CD200R1: variants seen among roughly 807,000 people sequenced by gnomAD.
CD200R1 encodes the protein cell surface glycoprotein CD200 receptor 1.
Under a neutral mutation model 38.1 loss-of-function variants are expected in CD200R1, and 30 were observed. The ratio of observed to expected loss-of-function variants is 0.79; its 90% CI spans 0.59 to 1.07. CD200R1 has a LOEUF of 1.07. Among genes scored for constraint, CD200R1 ranks in the 50% least tolerant of loss-of-function variants. CD200R1 has a pLI of 0.00. For synonymous variants in CD200R1, 128 were observed against 152.1 expected (o/e 0.84, Z 1.16); for missense variants, 372 against 415.4 (o/e 0.90, Z 0.91).
Position 112,975,006 on chromosome 3 carries a change from A to G in CD200R1, c.-149T>C. 1 of 642,128 alleles carries G rather than the reference A, an allele frequency of 1.6e-6. No individual in the cohort carries two copies. The highest frequency in any genetic ancestry group is 2.8e-6 in the Non-Finnish European group (1 of 359,214). The allele number at this position is 642,128 out of a possible 1,614,324, so 39.8% of individuals were successfully genotyped here. On this transcript the variant is annotated 5_prime_UTR_variant, in exon 1 of 8. Transcript: ENST00000308611. ...AACAGTGGGGCACTCCCTTCCTTCT[A>G]GCCCCTTCCTTCACGTCTATGTGGT...
At chr3:112,949,142 T>C (rs1374115468) in intron 1 of CD200R1, among the ~76,000 whole-genome samples, 6 of 151,982 alleles carry the variant, frequency 3.9e-5, no homozygotes, top group Admixed American at 3.9e-4. Flanking sequence ...TTTACAAGAG[T>C]TATAAATAGT....
At chr3:112,945,675 G>C (rs552736107) in intron 2 of CD200R1, among the ~76,000 whole-genome samples, 31 of 152,198 alleles carry the variant, frequency 2.0e-4, no homozygotes, top group Middle Eastern at 3.4e-3. Flanking sequence ...CCACAGTAAA[G>C]GCACAATCCA....
intron 1 of CD200R1, among the ~76,000 whole-genome samples, chr3:112,948,425 G>A (rs762102104): frequency 1.3e-5 from 2 of 152,136 alleles, no homozygotes; most frequent in Non-Finnish European, 2.9e-5. Context: ...TTTCCACCAC[G>A]GACAAGGAGG....
chr3:112,932,525 C>T (rs368789741), intron 2 of CD200R1, among the ~76,000 whole-genome samples: 6 of 152,060 alleles, frequency 3.9e-5, no homozygotes, highest in South Asian at 2.1e-4. Context: ...CCCCAACAAA[C>T]ATGGCCACAG....
At chr3:112,942,627 T>A (rs1285541422) in intron 2 of CD200R1, among the ~76,000 whole-genome samples, 1 of 151,566 alleles carries the variant, frequency 6.6e-6, no homozygotes, top group Non-Finnish European at 1.5e-5. Flanking sequence ...GTATCAGTAA[T>A]CACTTTGAAC....
At chr3:112,974,218 T>C (rs1933380853) in intron 1 of CD200R1, among the ~76,000 whole-genome samples, 1 of 152,150 alleles carries the variant, frequency 6.6e-6, no homozygotes. Flanking sequence ...GGAGAATTGC[T>C]TGAAGACAGG....
At chr3:112,943,884 A>G (rs1182253769) in intron 2 of CD200R1, among the ~76,000 whole-genome samples, 1 of 151,892 alleles carries the variant, frequency 6.6e-6, no homozygotes, top group Non-Finnish European at 1.5e-5. Flanking sequence ...TTGAAAAGAT[A>G]CAACCTGCCA....
At chr3:112,953,388 T>C (rs1941013449) in intron 1 of CD200R1, among the ~76,000 whole-genome samples, 1 of 152,232 alleles carries the variant, frequency 6.6e-6, no homozygotes, top group Admixed American at 6.5e-5. Context: ...CATTTATGTT[T>C]ACCAGGGATA....
At chr3:112,952,301 G>A (rs1387452795) in intron 1 of CD200R1, among the ~76,000 whole-genome samples, 3 of 152,016 alleles carry the variant, frequency 2.0e-5, no homozygotes, top group Admixed American at 2.0e-4. Flanking sequence ...TTCACTGTTA[G>A]TGTATAGAAA....
chr3:112,965,716 G>A (rs952694485), intron 1 of CD200R1, among the ~76,000 whole-genome samples: 8 of 151,816 alleles, frequency 5.3e-5, no homozygotes, highest in Non-Finnish European at 7.4e-5. Context: ...AGCCGAGATC[G>A]CACCACTGCA....
rs750713502 is a variant in CD200R1, at chr3:112,925,162, A to G, written c.801T>C (p.Tyr267=). The change falls in exon 6 of 8, where the codon TAT becomes TAC. Residue 267 remains tyrosine (Y), a synonymous_variant. Coordinates refer to ENST00000308611, the MANE Select transcript of CD200R1 (RefSeq NM_138806.4). ...VPGAKKSAKL[Y]IPYIILTIII... is the part of the protein sequence containing the mutation. ...TAATAGTAAGGATGATATATGGAAT[A>G]TATAATTTTGCTGATTTTTTGGCAC... is the stretch of plus-strand genomic sequence containing the variant. 3.1e-6 allele frequency: 5 copies of G among 1,604,604 alleles called. No homozygotes were observed. The East Asian group carries it at 1.1e-4, about 36-fold the overall frequency.
chr3:112,958,100 CAT>C (rs912921571), intron 1 of CD200R1, among the ~76,000 whole-genome samples: 1 of 152,030 alleles, frequency 6.6e-6, no homozygotes, highest in Non-Finnish European at 1.5e-5. Context: ...AAAATTCAAA[CAT>C]GTGCCCACCA....
chr3:112,927,946 C>T (rs151218001), intron 5 of CD200R1, among the ~76,000 whole-genome samples: 51 of 152,222 alleles, frequency 3.4e-4, no homozygotes, highest in African/African-American at 8.7e-4. Flanking sequence ...CTTGATTCAG[C>T]ACTTAACAGT....
At position 112,934,175 on chromosome 3, in the gene CD200R1, G is replaced by A. The variant is rs373475860; in HGVS notation, c.137-3004C>T. ...TTAACCCAAATACATCCTCTCTAAG[G>A]AATGTTATAGTCAAATTATCAAAAG... On this transcript the variant is annotated intron_variant, in intron 2 of 7. Coordinates refer to ENST00000308611, the MANE Select transcript of CD200R1 (RefSeq NM_138806.4). 2.0e-3 allele frequency among the ~76,000 whole-genome samples: 297 copies of A among 152,034 alleles called. 1 individual carries two copies. Among genetic ancestry groups the A allele is most frequent in the African/African-American group, 6.8e-3 (283 of 41,470 alleles).
chr3:112,945,078 T>C (rs1247325291), intron 2 of CD200R1, among the ~76,000 whole-genome samples: 1 of 152,162 alleles, frequency 6.6e-6, no homozygotes, highest in Non-Finnish European at 1.5e-5. Flanking sequence ...AAAGAAAATC[T>C]AAGTAAATGG....
intron 5 of CD200R1, among the ~76,000 whole-genome samples, chr3:112,925,980 T>C (rs770657976): frequency 2.6e-5 from 4 of 152,158 alleles, no homozygotes; most frequent in Non-Finnish European, 4.4e-5. Context: ...GTTTTGTTGC[T>C]TTAAAGATTC....
chr3:112,957,490 T>A (rs562640453), intron 1 of CD200R1, among the ~76,000 whole-genome samples: 2 of 152,212 alleles, frequency 1.3e-5, no homozygotes, highest in South Asian at 4.2e-4. Context: ...ACAAAAAAAA[T>A]TACCTATAAT....
At chr3:112,943,888 C>T (rs886805978) in intron 2 of CD200R1, among the ~76,000 whole-genome samples, 2 of 151,620 alleles carry the variant, frequency 1.3e-5, no homozygotes, top group Non-Finnish European at 3.0e-5. Context: ...AAAGATACAA[C>T]CTGCCAAAAC....
chr3:112,960,692 G>A (rs1932995166), intron 1 of CD200R1, among the ~76,000 whole-genome samples: 1 of 151,868 alleles, frequency 6.6e-6, no homozygotes, highest in South Asian at 2.1e-4. Flanking sequence ...TACCTCAAAG[G>A]GAATAACTAT....
Sources: gnomAD v4.1 joint callset for allele counts (sites outside exome capture counted in the v4.1 genomes callset) on GRCh38, gnomAD v4.1.1 for gene constraint, MANE v1.5 for transcripts, NCBI Gene and HGNC (gene_info 2026-07-23, HGNC 2026-07-21) for gene names.